Variants in TMEM260 observed in about 807,000 individuals in gnomAD.
TMEM260 encodes the protein transmembrane protein 260, also known as protein O-mannosyl-transferase TMEM260.
A neutral mutation model predicts 88.9 loss-of-function variants in TMEM260; 82 were observed. That is an observed-to-expected ratio of 0.92 (90% CI 0.77 to 1.11). TMEM260 has a LOEUF of 1.11. Among genes scored for constraint, TMEM260 ranks in the 50% least tolerant of loss-of-function variants. The pLI, the probability that TMEM260 is intolerant of heterozygous loss-of-function variation, is 0.00. For synonymous variants in TMEM260, 314 were observed against 309.3 expected (o/e 1.02, Z -0.16); for missense variants, 902 against 853.4 (o/e 1.06, Z -0.71).
rs2275023 is a variant in TMEM260, at chr14:56,617,179, G to A, written c.942-4G>A. On this transcript the variant is annotated splice_region_variant and splice_polypyrimidine_tract_variant and intron_variant, in intron 8 of 15. Transcript: ENST00000261556. ...TTTAGACATATTTTTATTATTTTTT[G>A]TAGGGACAGACAGAATCCATCATTA... is the stretch of plus-strand genomic sequence containing the variant. The A allele has an allele frequency of 0.19, 287,304 of 1,522,034 alleles. 29,672 individuals carry two copies. The highest frequency in any genetic ancestry group is 0.4 in the African/African-American group (28,310 of 71,094). The allele number at this position is 1,522,034 out of a possible 1,614,324, so 94.3% of individuals were successfully genotyped here.
intron 6 of TMEM260, among the ~76,000 whole-genome samples, chr14:56,610,813 A>G (rs766416198): frequency 3.3e-5 from 5 of 152,194 alleles, no homozygotes; most frequent in African/African-American, 9.6e-5. Context: ...TGAACAAGTT[A>G]TAATGAATTT....
the TMEM260 span, among the ~76,000 whole-genome samples, chr14:56,662,249 A>G: frequency 1.3e-5 from 2 of 152,234 alleles, no homozygotes; most frequent in East Asian, 1.9e-4. Context: ...CCCGTGGTAT[A>G]TAGGTCATGG....
chr14:56,662,557 G>A, the TMEM260 span, among the ~76,000 whole-genome samples: 3 of 152,132 alleles, frequency 2.0e-5, no homozygotes, highest in African/African-American at 7.2e-5. Flanking sequence ...AACCACCCCT[G>A]TGCCCACTAG....
chr14:56,600,784 A>T (rs1023492898), intron 3 of TMEM260, among the ~76,000 whole-genome samples: 2 of 152,240 alleles, frequency 1.3e-5, no homozygotes, highest in African/African-American at 2.4e-5. Flanking sequence ...TAGGACACCA[A>T]GGCAAATTCC....
intron 4 of TMEM260, 74 bp downstream of exon 4, chr14:56,604,066 G>T: frequency 7.1e-7 from 1 of 1,409,198 alleles, no homozygotes; most frequent in South Asian, 1.5e-5. Flanking sequence ...TTTAACTTTG[G>T]CTTAAATACC....
chr14:56,644,546 A>C (rs1889824626), intron 15 of TMEM260, among the ~76,000 whole-genome samples: 2 of 152,246 alleles, frequency 1.3e-5, no homozygotes, highest in Admixed American at 6.5e-5. Context: ...AAAACCATAA[A>C]AACCCTAGAA....
chr14:56,649,205 G>A lies in TMEM260; in HGVS notation c.*1708G>A, dbSNP rs1413813218. ...CAGTGCCTTTTGCCCTTTTATCACA[G>A]CCTTATTAGGCTCCTACTCATCTTG... On this transcript the variant is annotated 3_prime_UTR_variant, in exon 16 of 16. Coordinates refer to ENST00000261556, the MANE Select transcript of TMEM260 (RefSeq NM_017799.4). 6.6e-6 allele frequency: 1 copy of A among 152,594 alleles called. No homozygotes were observed. Among genetic ancestry groups the A allele is most frequent in the Non-Finnish European group, 1.5e-5 (1 of 68,044 alleles). 9.5% of individuals were successfully genotyped at this position (152,594 alleles called of 1,614,324 possible). A position where few individuals can be genotyped will look rare whatever the true frequency, so the allele number is the denominator to read the frequency against.
intron 12 of TMEM260, among the ~76,000 whole-genome samples, chr14:56,627,737 G>C (rs984762664): frequency 2.0e-5 from 3 of 152,234 alleles, no homozygotes; most frequent in African/African-American, 7.2e-5. Context: ...CTAATGTTTA[G>C]TGAGCACCTG....
chr14:56,645,218 A>C (rs970800923), intron 15 of TMEM260, among the ~76,000 whole-genome samples: 3 of 137,192 alleles, frequency 2.2e-5, no homozygotes, highest in African/African-American at 7.5e-5. Context: ...GGCACTATTC[A>C]CAATAGCAAA....
At chr14:56,619,732 A>C (rs1329920277) in intron 10 of TMEM260, among the ~76,000 whole-genome samples, 3 of 152,178 alleles carry the variant, frequency 2.0e-5, no homozygotes, top group African/African-American at 7.2e-5. Context: ...TTCTCTTTTA[A>C]CTTAACTTTA....
intron 3 of TMEM260, among the ~76,000 whole-genome samples, chr14:56,602,793 AT>A (rs1449969560): frequency 6.6e-6 from 1 of 152,172 alleles, no homozygotes; most frequent in East Asian, 1.9e-4. Flanking sequence ...GTTTACTGAT[AT>A]TGAGATTTTT....
At chr14:56,603,371 C>T (rs1185032394) in intron 3 of TMEM260, among the ~76,000 whole-genome samples, 1 of 152,104 alleles carries the variant, frequency 6.6e-6, no homozygotes, top group African/African-American at 2.4e-5. Flanking sequence ...GTACCTAGGT[C>T]CAAACATTCT....
the TMEM260 span, among the ~76,000 whole-genome samples, chr14:56,656,199 T>C: frequency 6.6e-6 from 1 of 152,232 alleles, no homozygotes; most frequent in Admixed American, 6.5e-5. Flanking sequence ...GAAGGATCGC[T>C]TGAGGCCAGG....
chr14:56,640,016 T>C (rs1457011941), intron 15 of TMEM260, among the ~76,000 whole-genome samples: 1 of 152,170 alleles, frequency 6.6e-6, no homozygotes, highest in African/African-American at 2.4e-5. Context: ...CCACCACAGC[T>C]CAAGGAGGCC....
At chr14:56,604,559 G>A (rs1004924312) in intron 4 of TMEM260, among the ~76,000 whole-genome samples, 1 of 152,102 alleles carries the variant, frequency 6.6e-6, no homozygotes, top group African/African-American at 2.4e-5. Context: ...AATCATCTTA[G>A]TATAGGCAGC....
chr14:56,608,522 ATAT>A, intron 5 of TMEM260, among the ~76,000 whole-genome samples: 2 of 152,336 alleles, frequency 1.3e-5, no homozygotes, highest in Middle Eastern at 3.4e-3. Context: ...ATTTTCTTTA[ATAT>A]TCTATCCTAT....
chr14:56,625,670 A>G, intron 12 of TMEM260, 140 bp downstream of exon 12: 1 of 636,020 alleles, frequency 1.6e-6, no homozygotes, highest in Non-Finnish European at 2.6e-6. Context: ...TTTGTAATTA[A>G]ATTGAATATC....
chr14:56,603,133 CATTTGTGGGT>C (rs1220212831), intron 3 of TMEM260, among the ~76,000 whole-genome samples: 3 of 151,988 alleles, frequency 2.0e-5, no homozygotes, highest in Non-Finnish European at 4.4e-5. Flanking sequence ...GTTTTGTTGG[CATTTGTGGGT>C]GAGAAATTTG....
chr14:56,654,650 A>C (rs1415167224), downstream of TMEM260, among the ~76,000 whole-genome samples: 1 of 151,808 alleles, frequency 6.6e-6, no homozygotes, highest in African/African-American at 2.4e-5. Context: ...CCCCATCTCT[A>C]CTAAAAATAC....
Sources: gnomAD v4.1 joint callset for allele counts (sites outside exome capture counted in the v4.1 genomes callset) on GRCh38, gnomAD v4.1.1 for gene constraint, MANE v1.5 for transcripts, NCBI Gene and HGNC (gene_info 2026-07-23, HGNC 2026-07-21) for gene names.